Variants in RAB5C observed in about 807,000 individuals in gnomAD.
RAB5C encodes ras-related protein Rab-5C.
Under a neutral mutation model 25.2 loss-of-function variants are expected in RAB5C, and 4 were observed. That is an observed-to-expected ratio of 0.16 (90% confidence interval 0.08 to 0.36). The LOEUF is 0.36. Among genes scored for constraint, RAB5C ranks in the 10% least tolerant of loss-of-function variants. RAB5C has a pLI of 1.00. For synonymous variants in RAB5C, 100 were observed against 106.4 expected (o/e 0.94, Z 0.37); for missense variants, 199 against 283.8 (o/e 0.70, Z 2.15).
chr17:42,132,543 A>AT (rs111994274), intron 1 of RAB5C, among the ~76,000 whole-genome samples: 233 of 149,354 alleles, frequency 1.6e-3, no homozygotes, highest in African/African-American at 4.4e-3. Flanking sequence ...GAAGGAAATA[A>AT]TTTTTTTTTT....
At chr17:42,134,030 T>C (rs921924269) in intron 1 of RAB5C, among the ~76,000 whole-genome samples, 1 of 152,106 alleles carries the variant, frequency 6.6e-6, no homozygotes, top group Non-Finnish European at 1.5e-5. Flanking sequence ...CTGGCCCTGC[T>C]TGGTGATCAA....
At chr17:42,135,130 C>A (rs1315747335) in intron 1 of RAB5C, among the ~76,000 whole-genome samples, 1 of 151,838 alleles carries the variant, frequency 6.6e-6, no homozygotes, top group Admixed American at 6.6e-5. Context: ...TATAGGTATA[C>A]GTCATTACAC....
chr17:42,152,769 G>A (rs1038083889), intron 1 of RAB5C, among the ~76,000 whole-genome samples: 2 of 149,290 alleles, frequency 1.3e-5, no homozygotes, highest in Non-Finnish European at 3.0e-5. Flanking sequence ...ACAAAACAAG[G>A]CTCTGTCTCC....
intron 1 of RAB5C, among the ~76,000 whole-genome samples, chr17:42,149,429 A>G (rs890812572): frequency 6.6e-6 from 1 of 152,068 alleles, no homozygotes; most frequent in Non-Finnish European, 1.5e-5. Flanking sequence ...TAAAAATACA[A>G]AAACTAGCCG....
intron 1 of RAB5C, among the ~76,000 whole-genome samples, chr17:42,146,622 G>A (rs575426387): frequency 1.3e-5 from 2 of 152,128 alleles, no homozygotes; most frequent in Non-Finnish European, 1.5e-5. Context: ...GGTGGCGTAC[G>A]CCTGTAGTCC....
intron 1 of RAB5C, among the ~76,000 whole-genome samples, chr17:42,144,595 C>T (rs1329782983): frequency 2.0e-5 from 3 of 151,998 alleles, no homozygotes; most frequent in African/African-American, 4.8e-5. Flanking sequence ...GGGTGGATCA[C>T]GAGGTCAGGA....
At chr17:42,147,060 A>G (rs902098574) in intron 1 of RAB5C, among the ~76,000 whole-genome samples, 1 of 151,470 alleles carries the variant, frequency 6.6e-6, no homozygotes, top group Non-Finnish European at 1.5e-5. Context: ...CAGAAAAAGA[A>G]AGAAAGAAAG....
At chr17:42,140,874 G>A (rs190177444) in intron 1 of RAB5C, among the ~76,000 whole-genome samples, 24 of 151,812 alleles carry the variant, frequency 1.6e-4, no homozygotes, top group African/African-American at 5.8e-4. Flanking sequence ...TGCTGCCCAG[G>A]TTGGATTGCA....
chr17:42,146,684 G>A (rs1395695908), intron 1 of RAB5C, among the ~76,000 whole-genome samples: 2 of 151,230 alleles, frequency 1.3e-5, no homozygotes, highest in African/African-American at 2.4e-5. Flanking sequence ...AGGAGACGGA[G>A]GTTGCAGTGA....
At chr17:42,129,848 T>C (rs1031197600) in intron 2 of RAB5C, among the ~76,000 whole-genome samples, 1 of 152,190 alleles carries the variant, frequency 6.6e-6, no homozygotes, top group African/African-American at 2.4e-5. Flanking sequence ...ACATCCTAAA[T>C]GCTGACCACT....
chr17:42,144,970 A>G (rs2079624787), intron 1 of RAB5C, among the ~76,000 whole-genome samples: 1 of 123,320 alleles, frequency 8.1e-6, no homozygotes, highest in Non-Finnish European at 1.7e-5. Context: ...AAAAAAAAAA[A>G]AAAAAAAAAA....
At chr17:42,149,174 C>T (rs1405701088) in intron 1 of RAB5C, among the ~76,000 whole-genome samples, 4 of 152,116 alleles carry the variant, frequency 2.6e-5, no homozygotes, top group Non-Finnish European at 5.9e-5. Context: ...ATAAATTCTA[C>T]CTAAAGCAGT....
rs2054546652 is a variant in RAB5C, at chr17:42,137,299, C to T, written c.-88-6709G>A. 2.0e-5 allele frequency among the ~76,000 whole-genome samples: 3 copies of T among 147,720 alleles called. No homozygotes were observed. The South Asian group carries it at 6.4e-4, about 32-fold the overall frequency. The stretch of plus-strand genomic sequence containing the variant: ...CCAGCCTGGACAACAGAGCGAGACA[C>T]TGTCTCAAAAAAAAGAAAAAAAAAA... On this transcript the variant is annotated intron_variant, in intron 1 of 5. Coordinates refer to ENST00000346213, the MANE Select transcript of RAB5C (RefSeq NM_004583.4).
chr17:42,140,029 C>T (rs1381908019), intron 1 of RAB5C, among the ~76,000 whole-genome samples: 2 of 152,134 alleles, frequency 1.3e-5, no homozygotes, highest in Non-Finnish European at 2.9e-5. Flanking sequence ...ATGTAGGGCC[C>T]GTCTTCCCCC....
intron 4 of RAB5C, among the ~76,000 whole-genome samples, chr17:42,127,063 C>T (rs1272197116): frequency 6.6e-6 from 1 of 152,234 alleles, no homozygotes; most frequent in East Asian, 1.9e-4. Flanking sequence ...AGATGTCTTA[C>T]CCGGGTTTCC....
intron 4 of RAB5C, 116 bp downstream of exon 4, chr17:42,128,145 T>A: frequency 7.0e-7 from 1 of 1,427,830 alleles, no homozygotes; most frequent in Non-Finnish European, 9.4e-7. Flanking sequence ...GGACAGCAGA[T>A]GGAAGCTTCC....
chr17:42,132,490 C>T (rs2054495663), intron 1 of RAB5C, among the ~76,000 whole-genome samples: 1 of 152,208 alleles, frequency 6.6e-6, no homozygotes, highest in Non-Finnish European at 1.5e-5. Context: ...ATGCCTTCCT[C>T]ACAGTGCCTA....
intron 2 of RAB5C, chr17:42,130,028 C>T (rs547321654): frequency 2.1e-5 from 6 of 283,094 alleles, no homozygotes; most frequent in Non-Finnish European, 3.3e-5. Context: ...GATCCAGAGT[C>T]AGCTCTCCCT....
At chr17:42,137,914 A>C (rs1380696155) in intron 1 of RAB5C, 4 of 152,182 alleles carry the variant, frequency 2.6e-5, no homozygotes, top group African/African-American at 9.7e-5. Flanking sequence ...CAAAAAGATG[A>C]TACCTGAATT....
Sources: gnomAD v4.1 joint callset for allele counts (sites outside exome capture counted in the v4.1 genomes callset) on GRCh38, gnomAD v4.1.1 for gene constraint, MANE v1.5 for transcripts, NCBI Gene and HGNC (gene_info 2026-07-23, HGNC 2026-07-21) for gene names.